IFT74: variants seen among roughly 807,000 people sequenced by gnomAD.
IFT74 encodes the protein intraflagellar transport protein 74 homolog.
In IFT74, 92 loss-of-function variants were observed where a neutral mutation model predicts 96.7. The ratio of observed to expected loss-of-function variants is 0.95; its 90% CI spans 0.80 to 1.13. The LOEUF (loss-of-function observed/expected upper bound fraction) is 1.13. Among genes scored for constraint, IFT74 ranks in the 50% most tolerant of loss-of-function variants. IFT74 has a pLI of 0.00. For synonymous variants in IFT74, 223 were observed against 213.2 expected, an observed-to-expected ratio of 1.05 and a Z score of -0.40; for missense variants, 811 against 698.2, an observed-to-expected ratio of 1.16 and a Z score of -1.82.
chr9:26,969,155 CTCT>C (rs1826767140), intron 2 of IFT74, among the ~76,000 whole-genome samples: 2 of 152,014 alleles, frequency 1.3e-5, no homozygotes, highest in Admixed American at 1.3e-4. Context: ...CCTTTTTAAT[CTCT>C]TCTTAGACCC....
chr9:26,953,129 G>A (rs533167675), upstream of IFT74, among the ~76,000 whole-genome samples: 1 of 152,236 alleles, frequency 6.6e-6, no homozygotes, highest in African/African-American at 2.4e-5. Context: ...GGGTATTTAT[G>A]GTAGCATCAT....
chr9:27,003,361 A>G (rs1163000971), intron 8 of IFT74, among the ~76,000 whole-genome samples: 2 of 152,026 alleles, frequency 1.3e-5, no homozygotes, highest in Non-Finnish European at 2.9e-5. Context: ...CATCTCTACT[A>G]CAATTACAAA....
Position 26,998,238 on chromosome 9 carries a change from C to A in IFT74, c.587+8043C>A. 28 of 1,432,242 alleles carry A rather than the reference C, an allele frequency of 2.0e-5. No individual in the cohort carries two copies. The highest frequency in any genetic ancestry group is 2.6e-5 in the Non-Finnish European group (28 of 1,073,278). The allele number at this position is 1,432,242 out of a possible 1,614,324, so 88.7% of individuals were successfully genotyped here. A position where few individuals can be genotyped will look rare whatever the true frequency, so the allele number is the denominator to read the frequency against. ...TTTTTTTCAGTAAAATTACATTGGACTTCCTAGAAAAACAAAAAAAAGAAA... is the reference window on the plus strand; with the variant it reads ...TTTTTTTCAGTAAAATTACATTGGAATTCCTAGAAAAACAAAAAAAAGAAA... On this transcript the variant is annotated intron_variant, in intron 8 of 19. Transcript: ENST00000380062.
At chr9:26,973,721 C>G (rs981764854) in intron 2 of IFT74, among the ~76,000 whole-genome samples, 1 of 152,146 alleles carries the variant, frequency 6.6e-6, no homozygotes, top group African/African-American at 2.4e-5. Context: ...TTAAATCCTT[C>G]TCCTTCTCCT....
In IFT74 at chr9:26,978,130, G is replaced by T. The variant is rs751947818; in HGVS notation, c.123G>T (p.Met41Ile). Residue 41 changes from methionine to isoleucine, a missense_variant and splice_region_variant, in exon 3 of 20, where the codon ATG (methionine) becomes ATT (isoleucine). By Grantham distance (10) the Met-to-Ile change is conservative (BLOSUM62 1). Transcript: ENST00000380062. ...ATGAAATCTTGTTTGTCATTTAGAT[G>T]CCACCTGGGACAGCAAGACCAGGTT... ...LSGNIRVATA[M>I]PPGTARPGSR... 1.2e-5 allele frequency: 19 copies of T among 1,570,634 alleles called. No individual in the cohort carries two copies. The South Asian group carries it at 1.9e-4, about 16-fold the overall frequency.
At chr9:27,008,518 G>A (rs974005196) in intron 8 of IFT74, among the ~76,000 whole-genome samples, 4 of 151,902 alleles carry the variant, frequency 2.6e-5, no homozygotes, top group African/African-American at 7.3e-5. Context: ...GCCACCACGT[G>A]TGGCTAATTT....
At chr9:26,991,759 G>A (rs1331167223) in intron 8 of IFT74, among the ~76,000 whole-genome samples, 2 of 151,970 alleles carry the variant, frequency 1.3e-5, no homozygotes, top group Non-Finnish European at 2.9e-5. Flanking sequence ...AGGCCAGTGT[G>A]GTGGTTCACA....
At chr9:26,947,803 A>G (rs1825793965) in intron 1 of IFT74, among the ~76,000 whole-genome samples, 1 of 152,056 alleles carries the variant, frequency 6.6e-6, no homozygotes, top group Non-Finnish European at 1.5e-5. Flanking sequence ...GTCCAAGTCA[A>G]TTTTTTAAAG....
At chr9:26,952,314 G>A (rs939577488), upstream of IFT74, among the ~76,000 whole-genome samples, 1 of 122,404 alleles carries the variant, frequency 8.2e-6, no homozygotes, top group East Asian at 2.3e-4. Context: ...TCTTACTCTT[G>A]TCCCCAAGCT....
intron 6 of IFT74, 47 bp from the exon 7 acceptor site, chr9:26,988,622 T>C: frequency 6.7e-7 from 1 of 1,485,576 alleles, no homozygotes; most frequent in African/African-American, 1.4e-5. Flanking sequence ...AGAACATGTG[T>C]AAAGACTAAC....
chr9:26,989,253 A>G (rs1026866525), intron 7 of IFT74, among the ~76,000 whole-genome samples: 1 of 152,156 alleles, frequency 6.6e-6, no homozygotes, highest in African/African-American at 2.4e-5. Flanking sequence ...AAAATTACCT[A>G]GCAGGTACAG....
chr9:27,026,132 G>C lies in IFT74; in HGVS notation c.975-2893G>C, dbSNP rs150664407. On this transcript the variant is annotated intron_variant, in intron 12 of 19. Coordinates refer to ENST00000380062, the MANE Select transcript of IFT74 (RefSeq NM_025103.4). The stretch of plus-strand genomic sequence containing the variant: ...GGTCTCACATAAACTTAAGGTAAAA[G>C]GGTGGAAAAAGTTATTCCATGCAAA... Among the ~76,000 whole-genome samples the C allele has an allele frequency of 9.8e-3, 1,497 of 152,270 alleles. 30 individuals carry two copies. Among genetic ancestry groups the C allele is most frequent in the African/African-American group, 0.034 (1,421 of 41,546 alleles).
intron 18 of IFT74, among the ~76,000 whole-genome samples, chr9:27,058,280 G>T (rs1314631794): frequency 2.0e-5 from 3 of 151,818 alleles, no homozygotes; most frequent in African/African-American, 4.8e-5. Context: ...ATAGAGACAG[G>T]GTCTTGCTGT....
chr9:26,997,839 C>T, intron 8 of IFT74: 1 of 1,614,184 alleles, frequency 6.2e-7, no homozygotes, highest in Non-Finnish European at 8.5e-7. Context: ...AGTGGTGGTA[C>T]ATCCAAATAG....
At chr9:27,046,498 A>G (rs1474221134) in intron 14 of IFT74, among the ~76,000 whole-genome samples, 1 of 152,218 alleles carries the variant, frequency 6.6e-6, no homozygotes, top group Non-Finnish European at 1.5e-5. Context: ...CTGTTTCTAT[A>G]TTAAACAAGT....
intron 12 of IFT74, among the ~76,000 whole-genome samples, chr9:27,024,821 G>T (rs1829780028): frequency 6.6e-6 from 1 of 151,834 alleles, no homozygotes; most frequent in African/African-American, 2.4e-5. Flanking sequence ...TAAAAAAACA[G>T]TCACAACTTC....
rs765727992 is a variant in IFT74 at position 27,011,915 on chromosome 9, A to T, written c.736A>T (p.Thr246Ser). Reference protein sequence around the residue: ...TNEKLLQELDTLQQQLDSQNM... With the variant: ...TNEKLLQELDSLQQQLDSQNM... ...TTTTTTTTCCACTTAGGAATTAGAT[A>T]CACTTCAACAACAATTGGATTCACA... The change falls in exon 10 of 20, where the codon ACA (threonine) becomes TCA (serine). Residue 246 changes from threonine to serine, a missense_variant. Thr to Ser is a moderately conservative substitution (Grantham distance 58, BLOSUM62 1). Transcript: ENST00000380062. The T allele has an allele frequency of 1.7e-5, 26 of 1,567,044 alleles. No homozygotes were observed. Among genetic ancestry groups the T allele is most frequent in the Non-Finnish European group, 2.2e-5 (25 of 1,158,316 alleles).
At chr9:27,048,312 T>A (rs191097008) in intron 16 of IFT74, 38 bp downstream of exon 16, 790 of 1,360,334 alleles carry the variant, frequency 5.8e-4, no homozygotes, top group African/African-American at 4.1e-3. Flanking sequence ...TCTTTTTTTT[T>A]AAAATATATC....
chr9:27,054,612 G>A (rs927947095), intron 16 of IFT74, among the ~76,000 whole-genome samples: 3 of 152,070 alleles, frequency 2.0e-5, no homozygotes, highest in African/African-American at 4.8e-5. Flanking sequence ...TTGTGAATTT[G>A]CCCTCTCACT....
Sources: allele counts gnomAD v4.1 joint callset (sites outside exome capture counted in the v4.1 genomes callset), GRCh38; gene constraint gnomAD v4.1.1; transcripts MANE v1.5; gene names NCBI Gene and HGNC (gene_info 2026-07-23, HGNC 2026-07-21).